CEP250: variants seen among roughly 807,000 people sequenced by gnomAD.
CEP250 encodes centrosomal protein 250, also known as centrosome-associated protein CEP250.
Under a neutral mutation model 315.7 loss-of-function variants are expected in CEP250, and 242 were observed. The ratio of observed to expected loss-of-function variants is 0.77; its 90% CI spans 0.69 to 0.85. CEP250 has a LOEUF of 0.85. Among genes scored for constraint, CEP250 ranks in the 40% least tolerant of loss-of-function variants. The probability of loss-of-function intolerance (pLI) is 0.00; values close to 1 mark genes in which losing one functional copy is unlikely to be tolerated. For synonymous variants in CEP250, 1,088 were observed against 1,175.0 expected (o/e 0.93, Z 1.51); for missense variants, 2,515 against 2,886.4 (o/e 0.87, Z 2.95).
intron 20 of CEP250, 86 bp from the exon 21 acceptor site, chr20:35,490,551 T>C: frequency 7.8e-7 from 1 of 1,289,768 alleles, no homozygotes; most frequent in East Asian, 2.3e-5. Flanking sequence ...TAGTGAGTAG[T>C]AGAGAGACTT....
At position 35,479,988 on chromosome 20, in the gene CEP250, G is replaced by T; in HGVS notation, c.2429G>T (p.Cys810Phe). 1.2e-6 allele frequency: 2 copies of T among 1,613,754 alleles called. No homozygotes were observed. Among genetic ancestry groups the T allele is most frequent in the Middle Eastern group, 1.7e-4 (1 of 5,820 alleles). ...AKEVIQGEVRCLKLELDTERS... is the reference protein window; with the variant it reads ...AKEVIQGEVRFLKLELDTERS... The stretch of plus-strand genomic sequence containing the variant: ...CCTGGCATGTTAGGGGAAGTGAGGT[G>T]CCTGAAGCTGGAACTGGACACTGAA... Residue 810 changes from cysteine (C) to phenylalanine (F), a missense_variant, in exon 20 of 35, where the codon TGC becomes TTC. Coordinates refer to ENST00000397527, the MANE Select transcript of CEP250 (RefSeq NM_007186.6).
rs1281098085 is a variant in CEP250 at position 35,467,063 on chromosome 20, C to T, written c.590C>T (p.Ala197Val). 27 of 1,610,378 alleles carry T rather than the reference C, an allele frequency of 1.7e-5. No individual in the cohort carries two copies. Among genetic ancestry groups the T allele is most frequent in the Non-Finnish European group, 2.1e-5 (25 of 1,178,002 alleles). Residue 197 changes from alanine to valine, a missense_variant, in exon 8 of 35, where the codon GCT (alanine) becomes GTT (valine). Transcript: ENST00000397527. ...FRRHFLEMKS[A>V]TDRDLMELKA... ...CGCCACTTCCTGGAAATGAAGTCAG[C>T]TACTGACAGGTCAGTGTGGGGAGAA...
At chr20:35,490,285 C>T (rs1186024566) in intron 20 of CEP250, among the ~76,000 whole-genome samples, 1 of 152,040 alleles carries the variant, frequency 6.6e-6, no homozygotes, top group East Asian at 1.9e-4. Context: ...TGCAGTCCAG[C>T]CTGGGTGACA....
intron 9 of CEP250, among the ~76,000 whole-genome samples, chr20:35,467,849 C>A (rs1378609584): frequency 6.6e-6 from 1 of 152,186 alleles, no homozygotes; most frequent in Non-Finnish European, 1.5e-5. Flanking sequence ...AGCTCTTCCC[C>A]CTCCCTGTCT....
chr20:35,469,710 C>A, intron 9 of CEP250, 180 bp from the exon 10 acceptor site: 1 of 446,242 alleles, frequency 2.2e-6, no homozygotes, highest in Non-Finnish European at 3.9e-6. Context: ...TTCCCCACTT[C>A]AAGGCTATAG....
At chr20:35,467,158 T>G (rs1239601266) in intron 8 of CEP250, 86 bp downstream of exon 8, 10 of 212,718 alleles carry the variant, frequency 4.7e-5, no homozygotes, top group Non-Finnish European at 6.5e-5. Flanking sequence ...CGGGATCAGC[T>G]GTGGGGGTGG....
At position 35,516,939 on chromosome 20, in the gene CEP250, A is replaced by G; in HGVS notation, c.*5313A>G. 3 of 982,024 alleles carry G rather than the reference A, an allele frequency of 3.1e-6. No homozygotes were observed. The highest frequency in any genetic ancestry group is 1.1e-4 in the East Asian group (1 of 8,804). The allele number at this position is 982,024 out of a possible 1,614,324, so 60.8% of individuals were successfully genotyped here. A position where few individuals can be genotyped will look rare whatever the true frequency, so the allele number is the denominator to read the frequency against. ...AGAAACGTCAGCCACAGGTGAGCAT[A>G]AGCTCAAACCCCCCCATTGAAGGCT... On this transcript the variant is annotated 3_prime_UTR_variant, in exon 35 of 35. Coordinates refer to ENST00000397527, the MANE Select transcript of CEP250 (RefSeq NM_007186.6).
Position 35,504,207 on chromosome 20 carries a change from G to A in CEP250, c.5838G>A (p.Arg1946=). 4 of 1,612,094 alleles carry A rather than the reference G, an allele frequency of 2.5e-6. No homozygotes were observed. The highest frequency in any genetic ancestry group is 3.4e-6 in the Non-Finnish European group (4 of 1,179,300). ...GGGACCAGGAGCTGGAAGCTCTGCG[G>A]GCAGAAAGTCAGTCCTCCCGGCATC... ...KERDQELEAL[R]AESQSSRHQE... is the part of the protein sequence containing the mutation. The change falls in exon 30 of 35, where the codon CGG becomes CGA. Residue 1946 remains arginine, a synonymous_variant. Transcript: ENST00000397527.
At chr20:35,459,874 G>T (rs917717414) in intron 2 of CEP250, 109 bp from the exon 3 acceptor site, 4 of 152,122 alleles carry the variant, frequency 2.6e-5, no homozygotes, top group Non-Finnish European at 5.9e-5. Flanking sequence ...GGGCCTTTGA[G>T]ACCTCATAAA....
intron 12 of CEP250, 148 bp from the exon 13 acceptor site, chr20:35,473,226 C>T (rs759256914): frequency 1.3e-5 from 8 of 637,870 alleles, no homozygotes; most frequent in Non-Finnish European, 1.9e-5. Context: ...CCTCTGATGG[C>T]CTGTCTTCTT....
chr20:35,493,054 G>A (rs2063741467), intron 22 of CEP250, among the ~76,000 whole-genome samples: 1 of 151,852 alleles, frequency 6.6e-6, no homozygotes, highest in East Asian at 1.9e-4. Flanking sequence ...AAAAGCAGGG[G>A]TGGGATATGA....
At chr20:35,475,283 T>A (rs1336248996) in intron 14 of CEP250, among the ~76,000 whole-genome samples, 1 of 152,262 alleles carries the variant, frequency 6.6e-6, no homozygotes, top group Non-Finnish European at 1.5e-5. Flanking sequence ...GCATATATTC[T>A]TTCTTCCCCC....
In CEP250 at chr20:35,467,060, C is replaced by A. The variant is rs757282804; in HGVS notation, c.587C>A (p.Ser196Ter). ...TFRRHFLEMK[S>*]ATDRDLMELK... Reference sequence around the variant, plus strand: ...CGACGCCACTTCCTGGAAATGAAGTCAGCTACTGACAGGTCAGTGTGGGGA... The same window carrying A: ...CGACGCCACTTCCTGGAAATGAAGTAAGCTACTGACAGGTCAGTGTGGGGA... The change falls in exon 8 of 35, where the codon TCA becomes TAA. Residue 196 changes from serine to a stop codon, truncating the protein, a stop_gained. Transcript: ENST00000397527. LOFTEE classifies it high-confidence loss of function. 1 of 1,611,500 alleles carries A rather than the reference C, an allele frequency of 6.2e-7. No individual in the cohort carries two copies. The highest frequency in any genetic ancestry group is 1.1e-5 in the South Asian group (1 of 91,028).
Position 35,493,530 on chromosome 20 carries a change from G to A in CEP250, c.2991G>A (p.Glu997=), listed in dbSNP as rs761165567. 1.2e-6 allele frequency: 2 copies of A among 1,601,848 alleles called. No individual in the cohort carries two copies. Among genetic ancestry groups the A allele is most frequent in the East Asian group, 2.3e-5 (1 of 43,946 alleles). Reference sequence around the variant, plus strand: ...ATGACCTTGCTGCCCTCCAAGAAGAGAGCAGCTCCCTGCTGCAGGATAAGA... The same window carrying A: ...ATGACCTTGCTGCCCTCCAAGAAGAAAGCAGCTCCCTGCTGCAGGATAAGA... ...HRDDLAALQE[E]SSSLLQDKMD... is the part of the protein sequence containing the mutation. The change falls in exon 23 of 35, where the codon GAG becomes GAA. Residue 997 remains glutamate (E), a synonymous_variant. Transcript: ENST00000397527.
chr20:35,476,757 C>A, intron 16 of CEP250, 162 bp downstream of exon 16: 1 of 564,632 alleles, frequency 1.8e-6, no homozygotes. Flanking sequence ...TAAATATTCC[C>A]CTCCCACACC....
chr20:35,509,061 C>A lies in CEP250; in HGVS notation c.7008+17C>A. 1 of 1,548,096 alleles carries A rather than the reference C, an allele frequency of 6.5e-7. No homozygotes were observed. The highest frequency in any genetic ancestry group is 2.4e-5 in the East Asian group (1 of 41,020). On this transcript the variant is annotated intron_variant, in intron 33 of 34. Coordinates refer to ENST00000397527, the MANE Select transcript of CEP250 (RefSeq NM_007186.6). ...ACACAGCAGGTTTACTCATTTTCCT[C>A]AGCTGCAGCCTTAGAGAGCCCAACC...
At chr20:35,475,005 C>T (rs1389069989) in intron 14 of CEP250, among the ~76,000 whole-genome samples, 1 of 152,064 alleles carries the variant, frequency 6.6e-6, no homozygotes, top group Non-Finnish European at 1.5e-5. Context: ...AGAATGATCT[C>T]CCTGTACCAA....
rs568324552 is a variant in CEP250, at chr20:35,479,752, C to G, written c.2395C>G (p.Gln799Glu). Residue 799 changes from glutamine (Q) to glutamate (E), a missense_variant, in exon 19 of 35, where the codon CAA becomes GAA. Gln to Glu is a conservative substitution (Grantham distance 29, BLOSUM62 2). Coordinates refer to ENST00000397527, the MANE Select transcript of CEP250 (RefSeq NM_007186.6). ...GGAGGTCCAGATTCAAACTGTCACTCAAGCCAAGGAAGTAATCCAAGGTGA... is the reference window on the plus strand; with the variant it reads ...GGAGGTCCAGATTCAAACTGTCACTGAAGCCAAGGAAGTAATCCAAGGTGA... ...QLEVQIQTVT[Q>E]AKEVIQGEVR... 3.1e-6 allele frequency: 5 copies of G among 1,614,160 alleles called. No individual in the cohort carries two copies. Among genetic ancestry groups the G allele is most frequent in the East Asian group, 4.5e-5 (2 of 44,874 alleles).
At chr20:35,471,099 C>T (rs115077813) in intron 10 of CEP250, among the ~76,000 whole-genome samples, 2,045 of 152,310 alleles carry the variant, frequency 0.013, 56 homozygotes, top group African/African-American at 0.047. Flanking sequence ...TTGTAGCTTT[C>T]TGATTCCCTC....
Sources: gnomAD v4.1 joint callset for allele counts (sites outside exome capture counted in the v4.1 genomes callset) on GRCh38, gnomAD v4.1.1 for gene constraint, MANE v1.5 for transcripts, NCBI Gene and HGNC (gene_info 2026-07-23, HGNC 2026-07-21) for gene names.